The following RNF166 variants were observed in gnomAD, a reference collection of about 807,000 sequenced individuals.
RNF166 encodes the protein ring finger protein 166.
Under a neutral mutation model 29.4 loss-of-function variants are expected in RNF166, and 19 were observed. The ratio of observed to expected loss-of-function variants is 0.65; its 90% CI spans 0.45 to 0.95. RNF166 has a LOEUF of 0.95. RNF166 is among the 40% of genes least tolerant of loss of function. The pLI, the probability that RNF166 is intolerant of heterozygous loss-of-function variation, is 0.00. For missense variants in RNF166, 347 were observed against 322.1 expected (o/e 1.08, Z -0.59); for synonymous variants, 171 against 134.5 (o/e 1.27, Z -1.88).
chr16:88,698,457 G>T, intron 5 of RNF166, 45 bp downstream of exon 5: 1 of 1,427,456 alleles, frequency 7.0e-7, no homozygotes, highest in South Asian at 1.2e-5. Context: ...GGAGGAGGGT[G>T]GATGAGGAGG....
In RNF166 at chr16:88,697,488, G is replaced by T; in HGVS notation, c.*80C>A. The T allele has an allele frequency of 9.5e-7, 1 of 1,047,560 alleles. No individual in the cohort carries two copies. The highest frequency in any genetic ancestry group is 1.4e-6 in the Non-Finnish European group (1 of 698,150). 64.9% of individuals were successfully genotyped at this position (1,047,560 alleles called of 1,614,324 possible). On this transcript the variant is annotated 3_prime_UTR_variant, in exon 6 of 6. Coordinates refer to ENST00000312838, the MANE Select transcript of RNF166 (RefSeq NM_178841.4). The stretch of plus-strand genomic sequence containing the variant: ...CTGTGAGCTCAGTCCGGTGAGGTGC[G>T]CTCCCGAGCAGGTGCCAGGTGCGAC...
chr16:88,699,774 T>C (rs752058504), intron 2 of RNF166, 42 bp from the exon 3 acceptor site: 1 of 1,500,960 alleles, frequency 6.7e-7, no homozygotes, highest in South Asian at 1.2e-5. Flanking sequence ...CCTGAGAATC[T>C]GGAAGGGCCG....
In RNF166 at chr16:88,706,162, C is replaced by T; in HGVS notation, c.155+9G>A. The T allele has an allele frequency of 8.3e-7, 1 of 1,209,744 alleles. No individual in the cohort carries two copies. Among genetic ancestry groups the T allele is most frequent in the Non-Finnish European group, 1.0e-6 (1 of 973,466 alleles). The allele number at this position is 1,209,744 out of a possible 1,614,324, so 74.9% of individuals were successfully genotyped here. On this transcript the variant is annotated intron_variant, in intron 1 of 5. Coordinates refer to ENST00000312838, the MANE Select transcript of RNF166 (RefSeq NM_178841.4). ...CCCCTCCCCGCGGCCCCTGGGCGGG[C>T]GCGCTCACGTGTGGCCGCAGCTGCC...
intron 2 of RNF166, chr16:88,699,937 C>T (rs1425618741): frequency 1.7e-5 from 8 of 470,806 alleles, no homozygotes; most frequent in Non-Finnish European, 3.8e-6. Flanking sequence ...CAAGTCACTG[C>T]AGGACAATCT....
chr16:88,703,296 A>G (rs2879901), intron 1 of RNF166: 598,934 of 984,360 alleles, frequency 0.61, 183,235 homozygotes, highest in East Asian at 0.92. Context: ...TGGATGGTGC[A>G]CCTCCTGAGT....
chr16:88,702,148 G>A (rs1910304312), intron 1 of RNF166, among the ~76,000 whole-genome samples: 2 of 6,066 alleles, frequency 3.3e-4, no homozygotes, highest in Admixed American at 1.3e-3. Flanking sequence ...CCTTGGGCTC[G>A]CACACCCTCC....
chr16:88,697,470 C>A lies in RNF166; in HGVS notation c.*98G>T. The A allele has an allele frequency of 4.5e-6, 4 of 884,224 alleles. No homozygotes were observed. Among genetic ancestry groups the A allele is most frequent in the Middle Eastern group, 3.4e-4 (1 of 2,922 alleles). 54.8% of individuals were successfully genotyped at this position (884,224 alleles called of 1,614,324 possible). A position where few individuals can be genotyped will look rare whatever the true frequency, so the allele number is the denominator to read the frequency against. ...CGCGGGTGCAGGCTCCTCCTGTGAG[C>A]TCAGTCCGGTGAGGTGCGCTCCCGA... On this transcript the variant is annotated 3_prime_UTR_variant, in exon 6 of 6. Coordinates refer to ENST00000312838, the MANE Select transcript of RNF166 (RefSeq NM_178841.4).
Position 88,699,091 on chromosome 16 carries a change from G to C in RNF166, c.426-6C>G. 3 of 1,589,504 alleles carry C rather than the reference G, an allele frequency of 1.9e-6. No homozygotes were observed. In the South Asian group the frequency reaches 3.4e-5, roughly 18 times the overall value. On this transcript the variant is annotated splice_polypyrimidine_tract_variant and splice_region_variant and intron_variant, in intron 3 of 5. Coordinates refer to ENST00000312838, the MANE Select transcript of RNF166 (RefSeq NM_178841.4). ...TGGACCTGTTGGGGATGTTGCTGGC[G>C]GGGCGGGGGTAGAGTGAGTGGCACG... is the stretch of plus-strand genomic sequence containing the variant.
rs1406204227 is a variant in RNF166 at position 88,706,246 on chromosome 16, A to G, written c.80T>C (p.Leu27Pro). 8.4e-6 allele frequency: 11 copies of G among 1,308,632 alleles called. No homozygotes were observed. The highest frequency in any genetic ancestry group is 1.6e-5 in the African/African-American group (1 of 63,734). The allele number at this position is 1,308,632 out of a possible 1,614,324, so 81.1% of individuals were successfully genotyped here. The change falls in exon 1 of 6, where the codon CTG (leucine) becomes CCG (proline). Residue 27 changes from leucine to proline, a missense_variant. Coordinates refer to ENST00000312838, the MANE Select transcript of RNF166 (RefSeq NM_178841.4). ...PAGPAGGDSG[L>P]EAQYTCPICL... ...GATGGGGCAGGTGTACTGCGCCTCC[A>G]GGCCGCTGTCGCCGCCCGCCGGCCC... is the stretch of plus-strand genomic sequence containing the variant.
rs558365512 is a variant in RNF166 at position 88,698,985 on chromosome 16, C to T, written c.526G>A (p.Asp176Asn). 1.6e-4 allele frequency: 250 copies of T among 1,597,530 alleles called. No homozygotes were observed. The highest frequency in any genetic ancestry group is 3.6e-4 in the Admixed American group (21 of 57,814). The change falls in exon 4 of 6, where the codon GAC (aspartate) becomes AAC (asparagine). Residue 176 changes from aspartate (D) to asparagine (N), a missense_variant. Coordinates refer to ENST00000312838, the MANE Select transcript of RNF166 (RefSeq NM_178841.4). ...GCACTGCTCACCACGCGGTTGGGGT[C>T]GCTGCGGTGGCTTTCCACACAGTGC... The part of the protein sequence containing the change: ...VKHCVESHRS[D>N]PNRVVCPICS...
chr16:88,699,573 G>A (rs745357770), intron 3 of RNF166, 47 bp downstream of exon 3: 9 of 1,481,066 alleles, frequency 6.1e-6, no homozygotes, highest in Non-Finnish European at 6.5e-6. Flanking sequence ...CCAGAACGAG[G>A]AAACCGCCGA....
At chr16:88,699,275 C>T (rs752982647) in intron 3 of RNF166, among the ~76,000 whole-genome samples, 190 bp from the exon 4 acceptor site, 13 of 152,244 alleles carry the variant, frequency 8.5e-5, no homozygotes, top group Non-Finnish European at 1.9e-4. Flanking sequence ...CCTCGTCCAC[C>T]CCACACAACT....
At chr16:88,703,597 A>C (rs1171833607) in intron 1 of RNF166, 8 of 985,370 alleles carry the variant, frequency 8.1e-6, no homozygotes, top group Non-Finnish European at 9.6e-6. Context: ...CCTGGTGTTC[A>C]GAGAGCCAGC....
intron 3 of RNF166, among the ~76,000 whole-genome samples, chr16:88,699,407 C>T (rs1390868673): frequency 3.3e-5 from 5 of 152,244 alleles, no homozygotes; most frequent in Non-Finnish European, 2.9e-5. Flanking sequence ...CTCCCCACAG[C>T]TGAGCTGTCC....
chr16:88,704,140 G>C (rs1458198533), intron 1 of RNF166: 2 of 985,366 alleles, frequency 2.0e-6, no homozygotes, highest in Non-Finnish European at 2.4e-6. Context: ...TGCTCTGGTT[G>C]GGGAGCTTGC....
rs975162258 is a variant in RNF166, at chr16:88,703,988, G to A, written c.155+2183C>T. 5.1e-6 allele frequency: 5 copies of A among 985,376 alleles called. No homozygotes were observed. In the African/African-American group the frequency reaches 8.7e-5, roughly 17 times the overall value. The allele number at this position is 985,376 out of a possible 1,614,324, so 61.0% of individuals were successfully genotyped here. A position where few individuals can be genotyped will look rare whatever the true frequency, so the allele number is the denominator to read the frequency against. On this transcript the variant is annotated intron_variant, in intron 1 of 5. Transcript: ENST00000312838. The stretch of plus-strand genomic sequence containing the variant: ...CCCACAGGCTTCTGGTTACAGAGGT[G>A]GCTCACTGCTCAGACTGTCCCCTGG...
In RNF166 at chr16:88,701,418, C is replaced by T. The variant is rs141069776; in HGVS notation, c.156G>A (p.Thr52=). 2 of 1,587,102 alleles carry T rather than the reference C, an allele frequency of 1.3e-6. No homozygotes were observed. The highest frequency in any genetic ancestry group is 3.4e-5 in the Admixed American group (2 of 58,230). The change falls in exon 2 of 6, where the codon ACG becomes ACA. Residue 52 remains threonine, a splice_region_variant and synonymous_variant. Coordinates refer to ENST00000312838, the MANE Select transcript of RNF166 (RefSeq NM_178841.4). ...RPVAIGSCGH[T]FCGECLQPCL... Reference sequence around the variant, plus strand: ...AGGGCTGGAGACACTCCCCGCAGAACCTGCAGGGCACAGGGGCCTGAGTGC... The same window carrying T: ...AGGGCTGGAGACACTCCCCGCAGAATCTGCAGGGCACAGGGGCCTGAGTGC...
At position 88,697,648 on chromosome 16, in the gene RNF166, G is replaced by A; in HGVS notation, c.649-15C>T. On this transcript the variant is annotated splice_polypyrimidine_tract_variant and intron_variant, in intron 5 of 5. Transcript: ENST00000312838. ...ATACTGTAGTCCTGGAGACAGGAAG[G>A]AGAGATGCACCGGGCTCGAGGGAGA... 1 of 1,545,034 alleles carries A rather than the reference G, an allele frequency of 6.5e-7. No individual in the cohort carries two copies. Among genetic ancestry groups the A allele is most frequent in the South Asian group, 1.2e-5 (1 of 83,940 alleles).
chr16:88,698,334 A>C (rs1260715025), intron 5 of RNF166, 168 bp downstream of exon 5: 2 of 717,362 alleles, frequency 2.8e-6, no homozygotes, highest in South Asian at 3.0e-5. Context: ...ATCACTCCCC[A>C]CCTGCAGGCA....
Sources: allele counts gnomAD v4.1 joint callset (sites outside exome capture counted in the v4.1 genomes callset), GRCh38; gene constraint gnomAD v4.1.1; transcripts MANE v1.5; gene names NCBI Gene and HGNC (gene_info 2026-07-23, HGNC 2026-07-21).